The following EPHA3 variants were observed in gnomAD, a reference collection of about 807,000 sequenced individuals.
The protein encoded by EPHA3 is EPH receptor A3.
A neutral mutation model predicts 107.1 loss-of-function variants in EPHA3; 42 were observed. The ratio of observed to expected loss-of-function variants is 0.39; its 90% CI spans 0.31 to 0.51. EPHA3 has a LOEUF of 0.51. Ranked by LOEUF, EPHA3 falls within the 20% of genes least tolerant of loss-of-function variation. The pLI is 0.78. For missense variants in EPHA3, 1,183 were observed against 1,211.2 expected (o/e 0.98, Z 0.35); for synonymous variants, 461 against 424.8 (o/e 1.09, Z -1.05).
intron 3 of EPHA3, among the ~76,000 whole-genome samples, chr3:89,255,609 T>G (rs1285591332): frequency 6.6e-6 from 1 of 151,942 alleles, no homozygotes; most frequent in Admixed American, 6.6e-5. Context: ...CAAATAAAAT[T>G]CCATGGTCTG....
rs77353549 is a variant in EPHA3, at chr3:89,149,328, T to A, written c.153+22055T>A. Reference sequence around the variant, plus strand: ...GGATGGAACAACCACTATTTTATAATCTCAGTCATCTTTTGGGTTTCCTTT... The same window carrying A: ...GGATGGAACAACCACTATTTTATAAACTCAGTCATCTTTTGGGTTTCCTTT... On this transcript the variant is annotated intron_variant, in intron 2 of 16. Transcript: ENST00000336596. Among the ~76,000 whole-genome samples, 331 of 152,148 alleles carry A rather than the reference T, an allele frequency of 2.2e-3. 9 individuals carry two copies. In the East Asian group the frequency reaches 0.059, roughly 27 times the overall value.
rs1156599993 is a variant in EPHA3 at position 89,479,404 on chromosome 3, A to G, written c.2854A>G (p.Lys952Glu). The change falls in exon 17 of 17, where the codon AAA becomes GAA. Residue 952 changes from lysine to glutamate, a missense_variant. Transcript: ENST00000336596. ...TGTTTTCTTTTTTTACAGTGACATG[A>G]AAAAGGTTGGTGTCACCGTGGTTGG... ...TIAKISTDDM[K>E]KVGVTVVGPQ... The G allele has an allele frequency of 6.2e-7, 1 of 1,613,132 alleles. No homozygotes were observed. The highest frequency in any genetic ancestry group is 1.7e-5 in the Admixed American group (1 of 60,008).
At chr3:89,330,426 T>C (rs1355772519) in intron 3 of EPHA3, among the ~76,000 whole-genome samples, 5 of 152,054 alleles carry the variant, frequency 3.3e-5, no homozygotes, top group Non-Finnish European at 7.4e-5. Flanking sequence ...TTTTTTTAAA[T>C]CCATTGGCTT....
intron 3 of EPHA3, among the ~76,000 whole-genome samples, chr3:89,267,367 T>C (rs1211840869): frequency 6.6e-6 from 1 of 152,176 alleles, no homozygotes; most frequent in East Asian, 1.9e-4. Context: ...ATATAATTAA[T>C]TATCCTTGGC....
At chr3:89,193,139 G>T (rs1162921819) in intron 2 of EPHA3, among the ~76,000 whole-genome samples, 1 of 151,964 alleles carries the variant, frequency 6.6e-6, no homozygotes, top group Non-Finnish European at 1.5e-5. Context: ...CAAAATATCT[G>T]AATATCTTCT....
At chr3:89,140,903 A>G (rs1704417396) in intron 2 of EPHA3, among the ~76,000 whole-genome samples, 1 of 151,732 alleles carries the variant, frequency 6.6e-6, no homozygotes, top group Admixed American at 6.6e-5. Flanking sequence ...AGATGCAAAC[A>G]ATACAATAGC....
intron 3 of EPHA3, among the ~76,000 whole-genome samples, chr3:89,230,704 T>C (rs1704607895): frequency 6.6e-6 from 1 of 152,046 alleles, no homozygotes; most frequent in African/African-American, 2.4e-5. Context: ...CAATCAGTTA[T>C]TACTTTACTT....
chr3:89,347,067 G>A (rs1707679448), intron 5 of EPHA3, among the ~76,000 whole-genome samples: 1 of 143,538 alleles, frequency 7.0e-6, no homozygotes, highest in Admixed American at 6.9e-5. Context: ...CTCCAGCTTT[G>A]TTCTTTTGGC....
chr3:89,365,908 T>C (rs535853752), intron 5 of EPHA3, among the ~76,000 whole-genome samples: 2 of 150,886 alleles, frequency 1.3e-5, no homozygotes, highest in Admixed American at 6.7e-5. Context: ...TGCTTGTGTA[T>C]GATATAGATG....
At chr3:89,392,399 C>T (rs1337924071) in intron 5 of EPHA3, among the ~76,000 whole-genome samples, 1 of 151,722 alleles carries the variant, frequency 6.6e-6, no homozygotes, top group Admixed American at 6.6e-5. Flanking sequence ...GATTGCACCA[C>T]TGCACTCCAG....
chr3:89,208,884 C>G (rs1706193745), intron 2 of EPHA3, among the ~76,000 whole-genome samples: 1 of 151,996 alleles, frequency 6.6e-6, no homozygotes, highest in Non-Finnish European at 1.5e-5. Flanking sequence ...AATGGCATGA[C>G]AAAAGATGTA....
At chr3:89,193,701 T>C (rs1705771796) in intron 2 of EPHA3, among the ~76,000 whole-genome samples, 1 of 152,042 alleles carries the variant, frequency 6.6e-6, no homozygotes, top group Non-Finnish European at 1.5e-5. Context: ...TATGAATATA[T>C]ACAATTATTG....
At chr3:89,397,167 TC>T (rs1033592233) in intron 6 of EPHA3, among the ~76,000 whole-genome samples, 1 of 152,238 alleles carries the variant, frequency 6.6e-6, no homozygotes, top group African/African-American at 2.4e-5. Flanking sequence ...GTCATTTTTT[TC>T]ATAGTCTCTC....
rs562483667 is a variant in EPHA3, at chr3:89,141,860, A to G, written c.153+14587A>G. ...TCCCATGTGCTATTTCAATATATGA[A>G]ATTGTTTCATGGCCCCTATATTATA... On this transcript the variant is annotated intron_variant, in intron 2 of 16. Transcript: ENST00000336596. Among the ~76,000 whole-genome samples, 6 of 151,468 alleles carry G rather than the reference A, an allele frequency of 4.0e-5. No homozygotes were observed. In the East Asian group the frequency reaches 1.2e-3, roughly 29 times the overall value.
chr3:89,399,684 T>C (rs1708918188), intron 7 of EPHA3: 4 of 1,263,542 alleles, frequency 3.2e-6, no homozygotes, highest in Non-Finnish European at 3.0e-6. Flanking sequence ...TCTTTTTTTC[T>C]TGTATGCAAA....
chr3:89,351,650 A>G (rs554073534), intron 5 of EPHA3, among the ~76,000 whole-genome samples: 1 of 151,058 alleles, frequency 6.6e-6, no homozygotes, highest in South Asian at 2.1e-4. Context: ...CTGAGTCTCC[A>G]TATATTCCAG....
intron 15 of EPHA3, among the ~76,000 whole-genome samples, chr3:89,460,882 T>G (rs1710221416): frequency 7.6e-6 from 1 of 131,968 alleles, no homozygotes; most frequent in African/African-American, 2.9e-5. Context: ...TTGTGCAGGT[T>G]AGTTACATAT....
chr3:89,410,449 T>C (rs190462127), intron 9 of EPHA3, among the ~76,000 whole-genome samples: 21 of 152,138 alleles, frequency 1.4e-4, no homozygotes, highest in African/African-American at 5.1e-4. Context: ...ATAATCTTTG[T>C]AAATTCTGAT....
intron 16 of EPHA3, 72 bp downstream of exon 16, chr3:89,472,691 G>C (rs1459253019): frequency 1.1e-6 from 1 of 870,506 alleles, no homozygotes; most frequent in Admixed American, 3.2e-5. Context: ...TGAAAGATTT[G>C]TAACATCTTG....
Sources: allele counts gnomAD v4.1 joint callset (sites outside exome capture counted in the v4.1 genomes callset), GRCh38; gene constraint gnomAD v4.1.1; transcripts MANE v1.5; gene names NCBI Gene and HGNC (gene_info 2026-07-23, HGNC 2026-07-21).